The following GOLGA4 variants were observed in gnomAD, a reference collection of about 807,000 sequenced individuals.
GOLGA4 encodes the protein golgin A4.
In GOLGA4, 169 loss-of-function variants were observed where a neutral mutation model predicts 265.9. The observed-to-expected ratio is 0.64, with a 90% confidence interval of 0.56 to 0.72. The LOEUF (loss-of-function observed/expected upper bound fraction) is 0.72. GOLGA4 is among the 30% of genes least tolerant of loss of function. The pLI is 0.00. For synonymous variants in GOLGA4, 923 were observed against 855.8 expected (o/e 1.08, Z -1.37); for missense variants, 2,482 against 2,483.4 (o/e 1.00, Z 0.01).
At position 37,324,302 on chromosome 3, in the gene GOLGA4, T is replaced by TA; in HGVS notation, c.2417dup (p.Tyr806Ter). The TA allele has an allele frequency of 6.2e-7, 1 of 1,614,200 alleles. No individual in the cohort carries two copies. Among genetic ancestry groups the TA allele is most frequent in the Non-Finnish European group, 8.5e-7 (1 of 1,180,034 alleles). ...TGCTAAGCTGGACGTTTTTCAGTCT[T>TA]ACCAGAGTGCCACACATGAGCAGAC... ...ASAKLDVFQS[Y>*]QSATHEQTKA... is the part of the protein sequence containing the mutation. The change falls in exon 14 of 24, where the codon TAC becomes TAAC. Residue 806 changes from tyrosine (Y) to a stop codon, truncating the protein, a stop_gained and frameshift_variant. Coordinates refer to ENST00000361924, the MANE Select transcript of GOLGA4 (RefSeq NM_002078.5). LOFTEE classifies it high-confidence loss of function.
At chr3:37,253,443 G>T (rs1560272548) in intron 2 of GOLGA4, among the ~76,000 whole-genome samples, 4 of 151,978 alleles carry the variant, frequency 2.6e-5, no homozygotes. Flanking sequence ...TTGAAGTAAG[G>T]TTTAGATTGC....
chr3:37,281,899 TA>T, intron 2 of GOLGA4, 58 bp from the exon 3 acceptor site: 1 of 1,115,494 alleles, frequency 9.0e-7, no homozygotes, highest in Non-Finnish European at 1.3e-6. Context: ...GGTGATGGGG[TA>T]ATGGAAGTCT....
Position 37,243,397 on chromosome 3 carries a change from T to A in GOLGA4, c.-154T>A. On this transcript the variant is annotated 5_prime_UTR_variant, in exon 1 of 24. Transcript: ENST00000361924. ...GACGCCGACACCCTCAGGACGAGTG[T>A]CCGGACTTGCCCACAGCCTCAAGGA... 1.5e-6 allele frequency: 1 copy of A among 672,554 alleles called. No individual in the cohort carries two copies. 41.7% of individuals were successfully genotyped at this position (672,554 alleles called of 1,614,324 possible).
At chr3:37,245,476 T>C (rs1489345495) in intron 1 of GOLGA4, 1 of 152,252 alleles carries the variant, frequency 6.6e-6, no homozygotes, top group Non-Finnish European at 1.5e-5. Flanking sequence ...TGTATTTATA[T>C]ACACACATAG....
intron 20 of GOLGA4, among the ~76,000 whole-genome samples, chr3:37,345,470 A>C (rs1393701209): frequency 6.6e-6 from 1 of 152,208 alleles, no homozygotes; most frequent in African/African-American, 2.4e-5. Context: ...GGGTTTTAAA[A>C]TGCTGAGTGA....
chr3:37,318,189 C>T (rs545871960), intron 11 of GOLGA4, among the ~76,000 whole-genome samples: 45 of 151,884 alleles, frequency 3.0e-4, no homozygotes, highest in African/African-American at 1.1e-3. Flanking sequence ...TTTAGTAATC[C>T]ACATTTCTCC....
intron 1 of GOLGA4, among the ~76,000 whole-genome samples, chr3:37,245,817 G>A (rs954784336): frequency 7.9e-5 from 12 of 151,758 alleles, no homozygotes; most frequent in Admixed American, 2.6e-4. Flanking sequence ...GCCAGCCCCG[G>A]CCTCCCAAAA....
chr3:37,277,904 C>T (rs73825054), intron 2 of GOLGA4, among the ~76,000 whole-genome samples: 152 of 152,134 alleles, frequency 1.0e-3, no homozygotes, highest in African/African-American at 3.1e-3. Context: ...CTCCCTTTTT[C>T]CAATTTCTTA....
rs1467520062 is a variant in GOLGA4 at position 37,337,692 on chromosome 3, A to G, written c.6354A>G (p.Leu2118=). Residue 2118 remains leucine, a synonymous_variant, in exon 19 of 24, where the codon TTA becomes TTG. Coordinates refer to ENST00000361924, the MANE Select transcript of GOLGA4 (RefSeq NM_002078.5). The part of the protein sequence containing the change: ...LQTQLAQKTT[L]ISDSKLKEQE... The stretch of plus-strand genomic sequence containing the variant: ...CACAGCTAGCACAGAAGACGACTTT[A>G]ATCAGTGATTCGAAATTGAAAGAGC... The G allele has an allele frequency of 6.2e-7, 1 of 1,612,050 alleles. No homozygotes were observed. Among genetic ancestry groups the G allele is most frequent in the East Asian group, 2.2e-5 (1 of 44,874 alleles).
chr3:37,362,972 C>T (rs1045443191), intron 23 of GOLGA4, among the ~76,000 whole-genome samples: 1 of 151,610 alleles, frequency 6.6e-6, no homozygotes, highest in African/African-American at 2.4e-5. Context: ...TTAGTAGAGA[C>T]AGGGTTTCAC....
At chr3:37,347,726 A>G (rs777372248) in intron 21 of GOLGA4, among the ~76,000 whole-genome samples, 38 of 152,176 alleles carry the variant, frequency 2.5e-4, no homozygotes, top group Admixed American at 1.2e-3. Context: ...TAGTTACTGT[A>G]AGAAAATCCT....
chr3:37,302,091 C>T (rs537827913), intron 9 of GOLGA4, 94 bp from the exon 10 acceptor site: 75 of 1,065,902 alleles, frequency 7.0e-5, no homozygotes, highest in Middle Eastern at 2.3e-4. Flanking sequence ...GCACCATGCC[C>T]GGCCTTTTTC....
intron 22 of GOLGA4, among the ~76,000 whole-genome samples, chr3:37,360,786 A>G (rs1465855273): frequency 6.6e-6 from 1 of 152,212 alleles, no homozygotes; most frequent in African/African-American, 2.4e-5. Flanking sequence ...TTGACACATT[A>G]GGAATGAGAA....
At chr3:37,308,657 C>G (rs1380715573) in intron 10 of GOLGA4, among the ~76,000 whole-genome samples, 1 of 151,434 alleles carries the variant, frequency 6.6e-6, no homozygotes, top group African/African-American at 2.4e-5. Context: ...ACTCTGTCGC[C>G]CAGGCTGGAG....
chr3:37,323,805 C>A lies in GOLGA4; in HGVS notation c.1919C>A (p.Thr640Asn), dbSNP rs2096961924. The change falls in exon 14 of 24, where the codon ACT becomes AAT. Residue 640 changes from threonine (T) to asparagine (N), a missense_variant. Physicochemically the swap from Thr to Asn is moderately conservative, Grantham distance 65. Coordinates refer to ENST00000361924, the MANE Select transcript of GOLGA4 (RefSeq NM_002078.5). ...KLQVLKQQYQ[T>N]EMEKLREKCE... is the part of the protein sequence containing the mutation. Reference sequence around the variant, plus strand: ...CAAGTCTTAAAGCAACAATATCAGACTGAAATGGAAAAACTTAGGGAAAAG... The same window carrying A: ...CAAGTCTTAAAGCAACAATATCAGAATGAAATGGAAAAACTTAGGGAAAAG... 6.2e-7 allele frequency: 1 copy of A among 1,609,124 alleles called. No homozygotes were observed. Among genetic ancestry groups the A allele is most frequent in the African/African-American group, 1.3e-5 (1 of 74,394 alleles).
intron 7 of GOLGA4, among the ~76,000 whole-genome samples, chr3:37,298,436 A>G (rs972192830): frequency 6.6e-6 from 1 of 152,200 alleles, no homozygotes. Context: ...CAGCTGATCC[A>G]TCAAGTGCAG....
intron 10 of GOLGA4, among the ~76,000 whole-genome samples, chr3:37,313,779 TA>T (rs2096929468): frequency 6.6e-6 from 1 of 152,212 alleles, no homozygotes; most frequent in East Asian, 1.9e-4. Flanking sequence ...TAGAATTTGA[TA>T]AATTCATTGT....
In GOLGA4 at chr3:37,325,895, AAGG is replaced by A; in HGVS notation, c.4012_4014del (p.Glu1338del). On this transcript the variant is annotated inframe_deletion, in exon 14 of 24. Transcript: ENST00000361924. ...CAATCAGCAACAGGCTGCTTCTGAA[AAGG>A]AGTCTTGTATAACACAGTTGAAGAA... 1.2e-6 allele frequency: 2 copies of A among 1,613,762 alleles called. No individual in the cohort carries two copies. The highest frequency in any genetic ancestry group is 1.7e-6 in the Non-Finnish European group (2 of 1,179,794).
intron 21 of GOLGA4, among the ~76,000 whole-genome samples, chr3:37,350,046 C>T (rs2097069010): frequency 6.6e-6 from 1 of 152,184 alleles, no homozygotes; most frequent in Admixed American, 6.6e-5. Context: ...TCCTTTTCAA[C>T]ATAAAGTGTT....
Sources: allele counts gnomAD v4.1 joint callset (sites outside exome capture counted in the v4.1 genomes callset), GRCh38; gene constraint gnomAD v4.1.1; transcripts MANE v1.5; gene names NCBI Gene and HGNC (gene_info 2026-07-23, HGNC 2026-07-21).